NRXN3: variants seen among roughly 807,000 people sequenced by gnomAD.
NRXN3 encodes the protein neurexin III.
Under a neutral mutation model 137.6 loss-of-function variants are expected in NRXN3, and 32 were observed. The observed-to-expected ratio is 0.23, with a 90% CI of 0.18 to 0.31. The LOEUF is 0.31. NRXN3 is among the 10% of genes least tolerant of loss of function. NRXN3 has a pLI of 1.00. For synonymous variants in NRXN3, 798 were observed against 784.5 expected (o/e 1.02, Z -0.29); for missense variants, 1,574 against 2,062.5 (o/e 0.76, Z 4.59).
At chr14:78,336,429 A>G (rs2081478479) in intron 4 of NRXN3, among the ~76,000 whole-genome samples, 2 of 152,282 alleles carry the variant, frequency 1.3e-5, no homozygotes, top group Middle Eastern at 3.4e-3. Flanking sequence ...GCAAGTGTGT[A>G]CCGAGCATCT....
intron 15 of NRXN3, among the ~76,000 whole-genome samples, chr14:79,147,808 A>C (rs1306185865): frequency 6.6e-6 from 1 of 152,098 alleles, no homozygotes; most frequent in Non-Finnish European, 1.5e-5. Flanking sequence ...TAAGAATCGA[A>C]GTCCTTTAAA....
intron 6 of NRXN3, among the ~76,000 whole-genome samples, chr14:78,688,813 G>A (rs1014372674): frequency 2.0e-5 from 3 of 152,066 alleles, no homozygotes; most frequent in Admixed American, 2.0e-4. Context: ...AGAGAAAAGA[G>A]AACAGGGAAC....
At chr14:79,835,560 A>G (rs2099338766) in intron 20 of NRXN3, among the ~76,000 whole-genome samples, 1 of 151,724 alleles carries the variant, frequency 6.6e-6, no homozygotes, top group African/African-American at 2.4e-5. Flanking sequence ...CTGTTCTGGG[A>G]TTTAGGGCTA....
chr14:79,438,140 C>T (rs4903858), intron 15 of NRXN3, among the ~76,000 whole-genome samples: 2,556 of 152,270 alleles, frequency 0.017, 56 homozygotes, highest in Admixed American at 0.053. Context: ...CTCCTGGGAT[C>T]GGGCTGCTGC....
chr14:78,954,471 TG>T (rs1567808778), intron 10 of NRXN3, among the ~76,000 whole-genome samples: 1 of 152,080 alleles, frequency 6.6e-6, no homozygotes, highest in Non-Finnish European at 1.5e-5. Context: ...TTCAGTTTTT[TG>T]GGGGTTTTTT....
chr14:78,290,108 A>G (rs1016787234), intron 3 of NRXN3, among the ~76,000 whole-genome samples: 2 of 152,190 alleles, frequency 1.3e-5, no homozygotes, highest in Non-Finnish European at 2.9e-5. Context: ...AATGTATGGC[A>G]ACATACACTG....
rs181175334 is a variant in NRXN3, at chr14:78,452,651, C to A, written c.757+154791C>A. 5.9e-5 allele frequency among the ~76,000 whole-genome samples: 9 copies of A among 152,318 alleles called. No individual in the cohort carries two copies. In the East Asian group the frequency reaches 1.7e-3, roughly 29 times the overall value. On this transcript the variant is annotated intron_variant, in intron 4 of 20. Coordinates refer to ENST00000335750, the MANE Select transcript of NRXN3 (RefSeq NM_001330195.2). ...ATGAGAACAATTGAAAAGGTGAGAGCTTGTTTAATTAAACTAGTTCCTGAA... is the reference window on the plus strand; with the variant it reads ...ATGAGAACAATTGAAAAGGTGAGAGATTGTTTAATTAAACTAGTTCCTGAA...
intron 10 of NRXN3, among the ~76,000 whole-genome samples, chr14:78,926,617 GTATATTTATATATAATA>G (rs1345825741): frequency 3.4e-4 from 33 of 97,088 alleles, no homozygotes; most frequent in African/African-American, 8.2e-4. Flanking sequence ...TATATATAAT[GTATATTTATATATAATA>G]TATATTTATA....
At chr14:78,356,456 G>T (rs931087084) in intron 4 of NRXN3, among the ~76,000 whole-genome samples, 1 of 152,202 alleles carries the variant, frequency 6.6e-6, no homozygotes, top group African/African-American at 2.4e-5. Context: ...ACTCCTCCCA[G>T]GTCTTCAGTG....
At chr14:78,934,675 C>T (rs1264584606) in intron 10 of NRXN3, among the ~76,000 whole-genome samples, 1 of 152,028 alleles carries the variant, frequency 6.6e-6, no homozygotes, top group Non-Finnish European at 1.5e-5. Context: ...ATGGATGAAG[C>T]TAGAAACCAT....
chr14:79,021,593 A>G (rs1418742517), intron 15 of NRXN3, among the ~76,000 whole-genome samples: 2 of 152,104 alleles, frequency 1.3e-5, no homozygotes, highest in Admixed American at 6.5e-5. Flanking sequence ...AGAGCTCACA[A>G]TCTAGTGGAG....
chr14:78,459,253 C>A (rs948099622), intron 4 of NRXN3, among the ~76,000 whole-genome samples: 3 of 152,150 alleles, frequency 2.0e-5, no homozygotes, highest in Non-Finnish European at 4.4e-5. Context: ...AGCTAAGTGA[C>A]CTTGGATGCA....
intron 4 of NRXN3, among the ~76,000 whole-genome samples, chr14:78,639,987 T>C (rs2097605523): frequency 6.6e-6 from 1 of 152,248 alleles, no homozygotes; most frequent in Non-Finnish European, 1.5e-5. Context: ...TCTTTATCAA[T>C]GTCTGACATG....
chr14:78,636,042 G>C (rs1190041866), intron 4 of NRXN3, among the ~76,000 whole-genome samples: 3 of 152,106 alleles, frequency 2.0e-5, no homozygotes, highest in Non-Finnish European at 4.4e-5. Flanking sequence ...AATTTCTCCT[G>C]ATACTTTTAT....
chr14:79,489,463 G>T (rs954719991), intron 16 of NRXN3, among the ~76,000 whole-genome samples: 1 of 152,132 alleles, frequency 6.6e-6, no homozygotes, highest in Admixed American at 6.6e-5. Flanking sequence ...TCTTTGTGGA[G>T]TTTGCACAGG....
chr14:78,592,735 CT>C (rs1478622815), intron 4 of NRXN3, among the ~76,000 whole-genome samples: 6 of 152,200 alleles, frequency 3.9e-5, no homozygotes, highest in African/African-American at 1.4e-4. Flanking sequence ...TTCTACTCTA[CT>C]TTAACTGGTT....
At chr14:78,306,151 T>C (rs1189146480) in intron 4 of NRXN3, among the ~76,000 whole-genome samples, 1 of 152,204 alleles carries the variant, frequency 6.6e-6, no homozygotes, top group Non-Finnish European at 1.5e-5. Flanking sequence ...AACATTTTAA[T>C]TAAATTCCAA....
chr14:78,507,832 T>C (rs1445613015), intron 4 of NRXN3, among the ~76,000 whole-genome samples: 1 of 152,176 alleles, frequency 6.6e-6, no homozygotes, highest in East Asian at 1.9e-4. Context: ...TTTCTCTGAG[T>C]TGTTACAAAA....
At chr14:78,255,725 G>C (rs768197299) in intron 2 of NRXN3, among the ~76,000 whole-genome samples, 1 of 152,290 alleles carries the variant, frequency 6.6e-6, no homozygotes, top group East Asian at 1.9e-4. Context: ...TAAATGTCAC[G>C]TCTCTGACAA....
Sources: allele counts gnomAD v4.1 joint callset (sites outside exome capture counted in the v4.1 genomes callset), GRCh38; gene constraint gnomAD v4.1.1; transcripts MANE v1.5; gene names NCBI Gene and HGNC (gene_info 2026-07-23, HGNC 2026-07-21).